HEXD: variants seen among roughly 807,000 people sequenced by gnomAD.
HEXD encodes the protein hexosaminidase D.
HEXD carries 47 observed loss-of-function variants against 54.2 expected under a neutral mutation model. The ratio of observed to expected loss-of-function variants is 0.87; its 90% CI spans 0.69 to 1.11. The LOEUF is 1.11. HEXD is among the 50% of genes least tolerant of loss of function. The pLI is 0.00. For missense variants in HEXD, 576 were observed against 649.2 expected (o/e 0.89, Z 1.23); for synonymous variants, 293 against 287.6 (o/e 1.02, Z -0.19).
chr17:82,435,634 C>A, intron 5 of HEXD, 55 bp from the exon 6 acceptor site: 1 of 1,552,264 alleles, frequency 6.4e-7, no homozygotes, highest in Non-Finnish European at 8.8e-7. Context: ...ACCCCGGACC[C>A]TCCCACCGGT....
chr17:82,433,312 CAT>C (rs2053665400), intron 4 of HEXD, among the ~76,000 whole-genome samples: 1 of 150,356 alleles, frequency 6.7e-6, no homozygotes, highest in South Asian at 2.1e-4. Flanking sequence ...CGTGGTGGCA[CAT>C]GCCTGTAATC....
In HEXD at chr17:82,433,812, G is replaced by C; in HGVS notation, c.437G>C (p.Gly146Ala). The C allele has an allele frequency of 1.2e-6, 2 of 1,611,754 alleles. No homozygotes were observed. Among genetic ancestry groups the C allele is most frequent in the Non-Finnish European group, 1.7e-6 (2 of 1,179,254 alleles). ...LHPGAQRLHI[G>A]CDEVYYLGEG... ...CCAGGCGCCCAGCGGCTGCACATCG[G>C]GTGTGATGAGGTGGGTACTGTCACC... Residue 146 changes from glycine (G) to alanine (A), a missense_variant, in exon 5 of 13, where the codon GGG (glycine) becomes GCG (alanine). Gly to Ala is a moderately conservative substitution (Grantham distance 60). Coordinates refer to ENST00000327949, the MANE Select transcript of HEXD (RefSeq NM_001330542.2).
chr17:82,419,886 A>G lies in HEXD; in HGVS notation c.84+3A>G, dbSNP rs1471123771. 6.3e-7 allele frequency: 1 copy of G among 1,587,090 alleles called. No individual in the cohort carries two copies. Among genetic ancestry groups the G allele is most frequent in the Non-Finnish European group, 8.6e-7 (1 of 1,156,172 alleles). ...CAAAGGTCTCGTACCTCTCAGAGGT[A>G]AGGACTCCCTTTTACCTCTAGAGCA... is the stretch of plus-strand genomic sequence containing the variant. On this transcript the variant is annotated splice_donor_region_variant and intron_variant, in intron 2 of 12. Transcript: ENST00000327949.
chr17:82,421,268 C>G (rs182244542), intron 2 of HEXD, among the ~76,000 whole-genome samples: 1 of 151,942 alleles, frequency 6.6e-6, no homozygotes, highest in Non-Finnish European at 1.5e-5. Flanking sequence ...GGCTGCAAAA[C>G]TCTCAGAAAT....
rs141719287 is a variant in HEXD, at chr17:82,428,077, C to T, written c.195-481C>T. 1,198 of 153,328 alleles carry T rather than the reference C, an allele frequency of 7.8e-3. 3 individuals carry two copies. The highest frequency in any genetic ancestry group is 0.013 in the African/African-American group (536 of 41,540). 9.5% of individuals were successfully genotyped at this position (153,328 alleles called of 1,614,324 possible). A position where few individuals can be genotyped will look rare whatever the true frequency, so the allele number is the denominator to read the frequency against. ...TTGGCTCACCGCGAACTCTGCCTCCCGGGTTCAAGTGATTCTCCTGCCTCA... is the reference window on the plus strand; with the variant it reads ...TTGGCTCACCGCGAACTCTGCCTCCTGGGTTCAAGTGATTCTCCTGCCTCA... On this transcript the variant is annotated intron_variant, in intron 3 of 12. Transcript: ENST00000327949.
rs370091513 is a variant in HEXD, at chr17:82,442,154, G to A, written c.1254-23G>A. 31 of 1,586,904 alleles carry A rather than the reference G, an allele frequency of 2.0e-5. No individual in the cohort carries two copies. Among genetic ancestry groups the A allele is most frequent in the African/African-American group, 8.0e-5 (6 of 74,646 alleles). ...CAAGTCCCAAGTGTGCAGACTGTGCGTTCATGGCGCCCTCACCTGCAGCCT... is the reference window on the plus strand; with the variant it reads ...CAAGTCCCAAGTGTGCAGACTGTGCATTCATGGCGCCCTCACCTGCAGCCT... On this transcript the variant is annotated intron_variant, in intron 12 of 12. Transcript: ENST00000327949. This position sits in a 1 kb window ranked among gnomAD's most constrained non-coding sequence, Gnocchi z 6.8.
chr17:82,438,757 G>A (rs1036692378), intron 8 of HEXD, among the ~76,000 whole-genome samples: 5 of 152,248 alleles, frequency 3.3e-5, no homozygotes, highest in Admixed American at 6.5e-5. Context: ...GAGCCTGGTG[G>A]GCCAGCCTGC....
At chr17:82,436,823 C>T in intron 7 of HEXD, 85 bp downstream of exon 7, 1 of 1,283,168 alleles carries the variant, frequency 7.8e-7, no homozygotes, top group South Asian at 1.3e-5. Flanking sequence ...GCAGCCGGAA[C>T]TGCCCAGCCT....
intron 6 of HEXD, 26 bp downstream of exon 6, chr17:82,435,898 G>T (rs1567893034): frequency 6.3e-7 from 1 of 1,591,558 alleles, no homozygotes; most frequent in Non-Finnish European, 8.5e-7. Context: ...TGGGGGAGGG[G>T]GTGGGCCACT....
Position 82,428,689 on chromosome 17 carries a change from C to T in HEXD, c.282+44C>T, listed in dbSNP as rs373055165. ...AGTTACCTGGTGCCAGGTGTGGGGT[C>T]CAGGGGCTGCAGGCTGGGCCAGGCT... On this transcript the variant is annotated intron_variant, in intron 4 of 12. Coordinates refer to ENST00000327949, the MANE Select transcript of HEXD (RefSeq NM_001330542.2). 9.1e-4 allele frequency: 1,406 copies of T among 1,551,016 alleles called. 2 individuals are homozygous for T. Among genetic ancestry groups the T allele is most frequent in the Non-Finnish European group, 1.1e-3 (1,288 of 1,123,214 alleles).
rs1750327257 is a variant in HEXD at position 82,418,592 on chromosome 17, G to A, written c.-200G>A. ...CACGGCGCAGGGACGCGAGTGCGACGCGCTCGGCCATCGGCCCCTGGGCTG... is the reference window on the plus strand; with the variant it reads ...CACGGCGCAGGGACGCGAGTGCGACACGCTCGGCCATCGGCCCCTGGGCTG... On this transcript the variant is annotated 5_prime_UTR_variant, in exon 1 of 13. Coordinates refer to ENST00000327949, the MANE Select transcript of HEXD (RefSeq NM_001330542.2). The A allele has an allele frequency of 2.0e-6, 1 of 492,670 alleles. No individual in the cohort carries two copies. Among genetic ancestry groups the A allele is most frequent in the Non-Finnish European group, 3.0e-6 (1 of 328,936 alleles). The allele number at this position is 492,670 out of a possible 1,614,324, so 30.5% of individuals were successfully genotyped here.
intron 8 of HEXD, among the ~76,000 whole-genome samples, chr17:82,438,531 G>A (rs904988533): frequency 1.8e-4 from 28 of 152,232 alleles, no homozygotes; most frequent in African/African-American, 6.3e-4. Context: ...CTGCTCCCCT[G>A]ACGACACTGT....
chr17:82,436,612 G>T, intron 6 of HEXD, 55 bp from the exon 7 acceptor site: 1 of 1,459,782 alleles, frequency 6.9e-7, no homozygotes, highest in Non-Finnish European at 9.4e-7. Context: ...TGGGTCCGAG[G>T]GGCTGAGAGT....
chr17:82,433,113 TATATATATATATA>T (rs2053644739), intron 4 of HEXD, among the ~76,000 whole-genome samples: 2 of 15,670 alleles, frequency 1.3e-4, no homozygotes, highest in African/African-American at 7.6e-4. Flanking sequence ...TATATATATA[TATATATATATATA>T]TATTTTTTTT....
intron 2 of HEXD, chr17:82,423,518 TA>T (rs957555318): frequency 2.0e-5 from 3 of 147,054 alleles, no homozygotes; most frequent in South Asian, 4.3e-4. Context: ...CCCCATCTGT[TA>T]AAAAAAAGAG....
intron 9 of HEXD, 95 bp from the exon 10 acceptor site, chr17:82,440,902 C>T: frequency 7.1e-7 from 1 of 1,405,768 alleles, no homozygotes; most frequent in Non-Finnish European, 9.9e-7. Flanking sequence ...TTGCCGCCCG[C>T]CCACTGCCCC....
intron 2 of HEXD, among the ~76,000 whole-genome samples, chr17:82,421,521 C>T (rs2053235328): frequency 6.6e-6 from 1 of 152,142 alleles, no homozygotes; most frequent in South Asian, 2.1e-4. Flanking sequence ...AACACAAGAG[C>T]CTGTTCTTAA....
At chr17:82,428,517 C>T (rs919792908) in intron 3 of HEXD, 41 bp from the exon 4 acceptor site, 3 of 1,557,886 alleles carry the variant, frequency 1.9e-6, no homozygotes, top group Admixed American at 3.3e-5. Flanking sequence ...AAGTCACGTG[C>T]TGCTCACATG....
chr17:82,427,364 G>T (rs2053446691), intron 3 of HEXD: 1 of 152,106 alleles, frequency 6.6e-6, no homozygotes, highest in African/African-American at 2.4e-5. Flanking sequence ...GAATGAGAAA[G>T]AGGAAAACTA....
Sources: allele counts gnomAD v4.1 joint callset (sites outside exome capture counted in the v4.1 genomes callset), GRCh38; gene constraint gnomAD v4.1.1; non-coding constraint Gnocchi (gnomAD v3.1); transcripts MANE v1.5; gene names NCBI Gene and HGNC (gene_info 2026-07-23, HGNC 2026-07-21).